The following FAM186A variants were observed in gnomAD, a reference collection of about 807,000 sequenced individuals.
The protein encoded by FAM186A is protein FAM186A.
FAM186A carries 163 observed loss-of-function variants against 216.8 expected under a neutral mutation model. The observed-to-expected ratio is 0.75, with a 90% CI of 0.66 to 0.86. The LOEUF is 0.86. FAM186A is among the 40% of genes least tolerant of loss of function. FAM186A has a pLI of 0.00. For missense variants in FAM186A, 2,184 were observed against 2,746.2 expected (o/e 0.80, Z 4.58); for synonymous variants, 805 against 1,025.3 (o/e 0.79, Z 4.10).
intron 4 of FAM186A, among the ~76,000 whole-genome samples, chr12:50,343,904 C>T (rs952762137): frequency 5.3e-5 from 8 of 151,136 alleles, no homozygotes; most frequent in Admixed American, 4.0e-4. Context: ...TAGGTGTGAG[C>T]CACCACACCC....
At chr12:50,334,150 A>G in intron 4 of FAM186A, 47 bp from the exon 5 acceptor site, 2 of 1,375,266 alleles carry the variant, frequency 1.5e-6, no homozygotes, top group African/African-American at 1.5e-5. Context: ...TGCAGACCCT[A>G]CTTCAACAAA....
At chr12:50,347,547 A>G (rs562783505) in intron 4 of FAM186A, among the ~76,000 whole-genome samples, 1 of 152,114 alleles carries the variant, frequency 6.6e-6, no homozygotes, top group South Asian at 2.1e-4. Context: ...CCTGGCCAAC[A>G]TGGTGAAACC....
At chr12:50,347,899 G>A (rs903537243) in intron 4 of FAM186A, among the ~76,000 whole-genome samples, 1 of 151,906 alleles carries the variant, frequency 6.6e-6, no homozygotes, top group African/African-American at 2.4e-5. Context: ...TGTTTCTTTT[G>A]TTTTGTTTTT....
rs1450251229 is a variant in FAM186A, at chr12:50,351,353, T to C, written c.5479A>G (p.Ile1827Val). Reference protein sequence around the residue: ...QAPPSPGQLPISRAPPTPGQP... With the variant: ...QAPPSPGQLPVSRAPPTPGQP... ...CCTGGAGTGGGAGGGGCCCGAGATA[T>C]TGGGAGCTGCCCAGGGGAGGGAGGG... The change falls in exon 4 of 8, where the codon ATA (isoleucine) becomes GTA (valine). Residue 1827 changes from isoleucine (I) to valine (V), a missense_variant. This residue lies in a region of FAM186A where 721 missense variants were observed against 816.4 expected (regional missense o/e 0.88). Coordinates refer to ENST00000327337, the MANE Select transcript of FAM186A (RefSeq NM_001145475.3). The C allele has an allele frequency of 1.3e-6, 2 of 1,483,532 alleles. No homozygotes were observed. The highest frequency in any genetic ancestry group is 8.9e-7 in the Non-Finnish European group (1 of 1,119,256). The allele number at this position is 1,483,532 out of a possible 1,614,324, so 91.9% of individuals were successfully genotyped here.
At chr12:50,365,173 A>G (rs1180159800) in intron 1 of FAM186A, among the ~76,000 whole-genome samples, 1 of 152,196 alleles carries the variant, frequency 6.6e-6, no homozygotes, top group Admixed American at 6.6e-5. Context: ...AAATTTCACC[A>G]TTCTGGAACA....
chr12:50,342,400 T>A (rs1419543751), intron 4 of FAM186A, among the ~76,000 whole-genome samples: 2 of 152,010 alleles, frequency 1.3e-5, no homozygotes, highest in Non-Finnish European at 2.9e-5. Context: ...CAATGATGGT[T>A]TAATATAATT....
intron 1 of FAM186A, among the ~76,000 whole-genome samples, chr12:50,369,305 T>C (rs1943119211): frequency 6.6e-6 from 1 of 151,234 alleles, no homozygotes; most frequent in African/African-American, 2.4e-5. Context: ...CTGGCTAACA[T>C]GGTGAAACCC....
At chr12:50,348,638 C>G (rs1437399128) in intron 4 of FAM186A, among the ~76,000 whole-genome samples, 1 of 152,110 alleles carries the variant, frequency 6.6e-6, no homozygotes, top group Non-Finnish European at 1.5e-5. Context: ...CGGCTCACTG[C>G]AAGCTCTGCC....
chr12:50,362,764 AAAG>A (rs1943048673), intron 2 of FAM186A, among the ~76,000 whole-genome samples: 1 of 131,412 alleles, frequency 7.6e-6, no homozygotes, highest in Non-Finnish European at 1.7e-5. Context: ...AAAAAAAAAA[AAAG>A]GGTAAAGTGT....
At chr12:50,367,261 G>A (rs1943098510) in intron 1 of FAM186A, among the ~76,000 whole-genome samples, 1 of 152,208 alleles carries the variant, frequency 6.6e-6, no homozygotes, top group Non-Finnish European at 1.5e-5. Flanking sequence ...CCTCACGCCT[G>A]TAATCCTAGC....
At position 50,352,584 on chromosome 12, in the gene FAM186A, AGCCT is replaced by A. The variant is rs1942908014; in HGVS notation, c.4244_4247del (p.Gln1415LeufsTer116). ...GGGTGAAAGGGATCCCCAATTCCTG[AGCCT>A]GCTGAGGGGTGAGAGGGATCCCCAG... On this transcript the variant is annotated frameshift_variant, in exon 4 of 8. Coordinates refer to ENST00000327337, the MANE Select transcript of FAM186A (RefSeq NM_001145475.3). LOFTEE classifies it high-confidence loss of function. 1 of 1,458,638 alleles carries A rather than the reference AGCCT, an allele frequency of 6.9e-7. No individual in the cohort carries two copies. Among genetic ancestry groups the A allele is most frequent in the Non-Finnish European group, 9.1e-7 (1 of 1,100,964 alleles). 90.4% of individuals were successfully genotyped at this position (1,458,638 alleles called of 1,614,324 possible).
In FAM186A at chr12:50,355,156, C is replaced by A. The variant is rs977393943; in HGVS notation, c.1676G>T (p.Arg559Leu). ...CACTTTAATCTCTGCTGCAGTTGGA[C>A]GTTTGTCAAATGGAGATTCACGTTT... ...KVKRESPFDK[R>L]PTAAEIKVEP... Residue 559 changes from arginine to leucine, a missense_variant, in exon 4 of 8, where the codon CGT becomes CTT. By Grantham distance (102) the Arg-to-Leu change is moderately radical. Transcript: ENST00000327337. The A allele has an allele frequency of 1.3e-6, 2 of 1,551,588 alleles. No homozygotes were observed. Among genetic ancestry groups the A allele is most frequent in the Non-Finnish European group, 1.7e-6 (2 of 1,146,972 alleles).
chr12:50,395,863 G>A (rs1020642241), intron 1 of FAM186A, among the ~76,000 whole-genome samples: 10 of 152,044 alleles, frequency 6.6e-5, no homozygotes, highest in African/African-American at 1.7e-4. Context: ...CCTGGTTCAA[G>A]CAATTCTCCT....
chr12:50,393,527 G>A (rs189016000), intron 1 of FAM186A, among the ~76,000 whole-genome samples: 10 of 151,082 alleles, frequency 6.6e-5, no homozygotes, highest in Non-Finnish European at 1.3e-4. Flanking sequence ...GGGTGTCAGA[G>A]CGAGACTCCA....
In FAM186A at chr12:50,373,069, AAGAAAG is replaced by A. The variant is rs1359219400; in HGVS notation, c.193-9711_193-9706del. Among the ~76,000 whole-genome samples, 119 of 143,190 alleles carry A rather than the reference AAGAAAG, an allele frequency of 8.3e-4. 2 individuals carry two copies. Among genetic ancestry groups the A allele is most frequent in the Middle Eastern group, 3.6e-3 (1 of 276 alleles). The allele number at this position is 143,190 out of a possible 152,430, so 93.9% of individuals were successfully genotyped here. A position where few individuals can be genotyped will look rare whatever the true frequency, so the allele number is the denominator to read the frequency against. ...AAAGAAAGAAAGAAAGAAAGAAAGA[AAGAAAG>A]AGAAAAGAAAGAAAGAAAGAAAAGA... On this transcript the variant is annotated intron_variant, in intron 1 of 7. Transcript: ENST00000327337.
At chr12:50,371,388 A>G (rs1044827637) in intron 1 of FAM186A, among the ~76,000 whole-genome samples, 17 of 152,212 alleles carry the variant, frequency 1.1e-4, no homozygotes, top group African/African-American at 4.1e-4. Context: ...AAGTGTTAGG[A>G]TTACAGGCGT....
chr12:50,368,082 T>C (rs1400176719), intron 1 of FAM186A, among the ~76,000 whole-genome samples: 3 of 151,548 alleles, frequency 2.0e-5, no homozygotes, highest in East Asian at 3.9e-4. Context: ...GAGGCAGAGG[T>C]TGCAGTGAGC....
chr12:50,385,359 A>C (rs1337895266), intron 1 of FAM186A, among the ~76,000 whole-genome samples: 1 of 148,500 alleles, frequency 6.7e-6, no homozygotes, highest in Non-Finnish European at 1.5e-5. Context: ...CAGAGGTTGC[A>C]GTGAGCTGAG....
intron 3 of FAM186A, among the ~76,000 whole-genome samples, chr12:50,356,742 T>A (rs1430438582): frequency 6.6e-6 from 1 of 152,210 alleles, no homozygotes; most frequent in Non-Finnish European, 1.5e-5. Context: ...TTCACGCCTG[T>A]AATTCCAGCA....
Sources: allele counts gnomAD v4.1 joint callset (sites outside exome capture counted in the v4.1 genomes callset), GRCh38; gene constraint gnomAD v4.1.1; regional missense constraint gnomAD v4.1.1; transcripts MANE v1.5; gene names NCBI Gene and HGNC (gene_info 2026-07-23, HGNC 2026-07-21).